Variants in IMMP2L observed in about 807,000 individuals in gnomAD.
The protein encoded by IMMP2L is inner mitochondrial membrane peptidase subunit 2, also known as mitochondrial inner membrane protease subunit 2.
A neutral mutation model predicts 19.3 loss-of-function variants in IMMP2L; 18 were observed. The ratio of observed to expected loss-of-function variants is 0.93; its 90% CI spans 0.64 to 1.38. The LOEUF (loss-of-function observed/expected upper bound fraction) is 1.38. Among genes scored for constraint, IMMP2L ranks in the 40% most tolerant of loss-of-function variants. The pLI, the probability that IMMP2L is intolerant of heterozygous loss-of-function variation, is 0.00. For missense variants in IMMP2L, 233 were observed against 218.2 expected, an observed-to-expected ratio of 1.07 and a Z score of -0.43; for synonymous variants, 76 against 73.0, an observed-to-expected ratio of 1.04 and a Z score of -0.21.
intron 3 of IMMP2L, among the ~76,000 whole-genome samples, chr7:111,056,274 G>A (rs1793502135): frequency 6.6e-6 from 1 of 152,126 alleles, no homozygotes; most frequent in Non-Finnish European, 1.5e-5. Context: ...ATGACCTTCT[G>A]TCAACCATAT....
rs142837864 is a variant in IMMP2L, at chr7:111,115,977, G to A, written c.240-152412C>T. ...CAGGCATGAGCCACCACATCCGGCC[G>A]GAATTATTGTTTAAAGAAAACTATC... On this transcript the variant is annotated intron_variant, in intron 3 of 5. Coordinates refer to ENST00000405709, the MANE Select transcript of IMMP2L (RefSeq NM_032549.4). Among the ~76,000 whole-genome samples, 504 of 152,116 alleles carry A rather than the reference G, an allele frequency of 3.3e-3. 5 individuals carry two copies. Among genetic ancestry groups the A allele is most frequent in the African/African-American group, 0.011 (474 of 41,484 alleles).
chr7:111,543,871 T>A (rs1370925834), intron 1 of IMMP2L, among the ~76,000 whole-genome samples: 1 of 152,186 alleles, frequency 6.6e-6, no homozygotes, highest in Non-Finnish European at 1.5e-5. Flanking sequence ...TTCTTCAGAC[T>A]TTTTTCCGCA....
At chr7:110,735,547 C>A (rs10236670) in intron 5 of IMMP2L, among the ~76,000 whole-genome samples, 66,835 of 151,234 alleles carry the variant, frequency 0.44, 16,195 homozygotes, top group African/African-American at 0.66. Flanking sequence ...TTAATCCCAG[C>A]AATTTGTGAG....
At chr7:111,103,910 A>G (rs915135945) in intron 3 of IMMP2L, among the ~76,000 whole-genome samples, 4 of 151,578 alleles carry the variant, frequency 2.6e-5, no homozygotes, top group Non-Finnish European at 5.9e-5. Context: ...GGCTGCTTCT[A>G]TTGAACACCA....
At chr7:111,091,713 C>T (rs1796882857) in intron 3 of IMMP2L, among the ~76,000 whole-genome samples, 1 of 151,976 alleles carries the variant, frequency 6.6e-6, no homozygotes, top group African/African-American at 2.4e-5. Flanking sequence ...GATTCTCCAA[C>T]ATGCATTTTA....
At chr7:110,701,461 C>T (rs914925234) in intron 5 of IMMP2L, among the ~76,000 whole-genome samples, 6 of 151,882 alleles carry the variant, frequency 4.0e-5, no homozygotes, top group Non-Finnish European at 5.9e-5. Flanking sequence ...TTTCTTGTTG[C>T]CCAGGCTGGA....
At chr7:111,293,644 A>G (rs1821342093) in intron 3 of IMMP2L, among the ~76,000 whole-genome samples, 1 of 152,024 alleles carries the variant, frequency 6.6e-6, no homozygotes, top group African/African-American at 2.4e-5. Context: ...CTTTCCATGT[A>G]TTAGATTCTA....
intron 1 of IMMP2L, among the ~76,000 whole-genome samples, chr7:111,539,631 GT>G (rs1219109921): frequency 0.013 from 1,903 of 142,630 alleles, 35 homozygotes; most frequent in African/African-American, 0.042. Flanking sequence ...TTTTTATCTG[GT>G]TTTTTTTTTT....
intron 3 of IMMP2L, among the ~76,000 whole-genome samples, chr7:111,183,987 A>G (rs1211293084): frequency 6.6e-6 from 1 of 152,094 alleles, no homozygotes; most frequent in Non-Finnish European, 1.5e-5. Flanking sequence ...AATGGAAATA[A>G]TAACACCTAG....
At chr7:111,032,920 G>A (rs1178850277) in intron 3 of IMMP2L, among the ~76,000 whole-genome samples, 2 of 152,022 alleles carry the variant, frequency 1.3e-5, no homozygotes, top group Non-Finnish European at 2.9e-5. Context: ...CGGAGTTCGA[G>A]ACTAGCCTAG....
At chr7:111,539,135 G>GA (rs1467742094) in intron 1 of IMMP2L, among the ~76,000 whole-genome samples, 198 of 28,622 alleles carry the variant, frequency 6.9e-3, no homozygotes, top group Middle Eastern at 0.015. Context: ...GAAAAGAAAA[G>GA]GAAGGAAGGA....
intron 3 of IMMP2L, among the ~76,000 whole-genome samples, chr7:111,220,496 G>C (rs898479200): frequency 6.6e-6 from 1 of 151,796 alleles, no homozygotes; most frequent in African/African-American, 2.4e-5. Context: ...TATATTAAAT[G>C]CAAGAAAAAT....
chr7:111,261,487 C>T (rs1455750637), intron 3 of IMMP2L, among the ~76,000 whole-genome samples: 1 of 152,114 alleles, frequency 6.6e-6, no homozygotes, highest in Non-Finnish European at 1.5e-5. Flanking sequence ...GGGCTTCATT[C>T]ATTCAGCACA....
At chr7:111,522,938 T>TATATATATATATATATATATATATA (rs199823915) in intron 1 of IMMP2L, among the ~76,000 whole-genome samples, 13 of 148,724 alleles carry the variant, frequency 8.7e-5, no homozygotes, top group African/African-American at 3.1e-4. Context: ...TATATATATA[T>TATATATATATATATATATATATATA]TATTTCACCA....
chr7:110,793,477 A>G (rs933945895), intron 5 of IMMP2L, among the ~76,000 whole-genome samples: 22 of 152,070 alleles, frequency 1.4e-4, no homozygotes, highest in Admixed American at 2.6e-4. Context: ...TTATCCATGT[A>G]ACCAAACACC....
chr7:111,414,998 T>C (rs1031939869), intron 3 of IMMP2L, among the ~76,000 whole-genome samples: 1 of 151,784 alleles, frequency 6.6e-6, no homozygotes, highest in Non-Finnish European at 1.5e-5. Flanking sequence ...TGTTACATTA[T>C]ATGACAAGCA....
At chr7:111,092,383 G>C (rs964027335) in intron 3 of IMMP2L, among the ~76,000 whole-genome samples, 3 of 152,196 alleles carry the variant, frequency 2.0e-5, no homozygotes, top group African/African-American at 7.2e-5. Context: ...TGTTGAGCTG[G>C]ATGGCTTAAT....
intron 3 of IMMP2L, among the ~76,000 whole-genome samples, chr7:111,016,885 A>G (rs1825733724): frequency 1.1e-5 from 1 of 90,278 alleles, no homozygotes; most frequent in South Asian, 3.1e-4. Flanking sequence ...AATATATATT[A>G]TATATAATAT....
rs552053135 is a variant in IMMP2L, at chr7:110,688,749, G to A, written c.409-25028C>T. Among the ~76,000 whole-genome samples, 42 of 152,128 alleles carry A rather than the reference G, an allele frequency of 2.8e-4. No homozygotes were observed. The Middle Eastern group carries it at 0.02, about 74-fold the overall frequency. On this transcript the variant is annotated intron_variant, in intron 5 of 5. Transcript: ENST00000405709. The stretch of plus-strand genomic sequence containing the variant: ...TAAAGATATATATAGTATATTAAAT[G>A]TAAGGAGCCAATTACAAAACTGTGA...
Sources: allele counts gnomAD v4.1 joint callset (sites outside exome capture counted in the v4.1 genomes callset), GRCh38; gene constraint gnomAD v4.1.1; transcripts MANE v1.5; gene names NCBI Gene and HGNC (gene_info 2026-07-23, HGNC 2026-07-21).